FAM153A: variants seen among roughly 807,000 people sequenced by gnomAD.
FAM153A encodes the protein family with sequence similarity 153 member A.
Under a neutral mutation model 48.1 loss-of-function variants are expected in FAM153A, and 12 were observed. The ratio of observed to expected loss-of-function variants is 0.25; its 90% CI spans 0.16 to 0.40. The LOEUF (loss-of-function observed/expected upper bound fraction) is 0.40. Among genes scored for constraint, FAM153A ranks in the 10% least tolerant of loss-of-function variants. The pLI is 1.00. For missense variants in FAM153A, 111 were observed against 345.8 expected, an observed-to-expected ratio of 0.32 and a Z score of 5.38; for synonymous variants, 36 against 118.2, an observed-to-expected ratio of 0.30 and a Z score of 4.51.
chr5:177,699,208 T>C, the FAM153A span, among the ~76,000 whole-genome samples: 6 of 151,700 alleles, frequency 4.0e-5, no homozygotes, highest in African/African-American at 1.2e-4. Flanking sequence ...TAGAGCTAAA[T>C]TGATAGTTGT....
chr5:177,698,901 C>T, the FAM153A span, among the ~76,000 whole-genome samples: 5 of 151,834 alleles, frequency 3.3e-5, no homozygotes, highest in Admixed American at 3.3e-4. Context: ...CAAGTGATCT[C>T]CTGCCTCAGC....
chr5:177,697,940 G>T, the FAM153A span, among the ~76,000 whole-genome samples: 1 of 134,504 alleles, frequency 7.4e-6, no homozygotes, highest in Non-Finnish European at 1.7e-5. Context: ...CCAGCCTGTG[G>T]TTGTTGCTCC....
In FAM153A at chr5:177,715,079, C is replaced by T. The variant is rs563598495; in HGVS notation, c.*1223-1163G>A. Among the ~76,000 whole-genome samples, 6 of 139,710 alleles carry T rather than the reference C, an allele frequency of 4.3e-5. 1 individual carries two copies. The highest frequency in any genetic ancestry group is 4.2e-4 in the East Asian group (2 of 4,814). The allele number at this position is 139,710 out of a possible 152,430, so 91.7% of individuals were successfully genotyped here. On this transcript the variant is annotated intron_variant and NMD_transcript_variant, in intron 25 of 26. Coordinates refer to the FAM153A transcript ENST00000360669. ...TACTTGTAACACAGCTAAAGGATGT[C>T]AACAAAACTGTTCTTCCCAACCTCA...
At chr5:177,735,248 C>T (rs1250223711) in intron 12 of FAM153A, among the ~76,000 whole-genome samples, 1 of 148,426 alleles carries the variant, frequency 6.7e-6, no homozygotes, top group Non-Finnish European at 1.5e-5. Context: ...TCAGAATCCA[C>T]ATGTGCTGCT....
At chr5:177,740,670 A>G in intron 8 of FAM153A, 107 bp downstream of exon 10, 1 of 737,396 alleles carries the variant, frequency 1.4e-6, no homozygotes, top group Non-Finnish European at 2.0e-6. Flanking sequence ...GCAGCAAACC[A>G]CCATGACACA....
chr5:177,754,457 A>G (rs1767475966), upstream of FAM153A, among the ~76,000 whole-genome samples: 4 of 151,816 alleles, frequency 2.6e-5, no homozygotes, highest in Admixed American at 2.0e-4. Context: ...GCAGACTTAA[A>G]TGTCCCTGTC....
chr5:177,735,451 A>G (rs1322317850), intron 12 of FAM153A, among the ~76,000 whole-genome samples: 86 of 48,916 alleles, frequency 1.8e-3, no homozygotes, highest in Non-Finnish European at 2.7e-3. Context: ...TTGTTCTTCC[A>G]CTTTCCCTTT....
At chr5:177,714,210 G>A (rs1297649375) in intron 25 of FAM153A, 1 of 150,232 alleles carries the variant, frequency 6.7e-6, no homozygotes, top group Admixed American at 6.6e-5. Flanking sequence ...TTTATGAAAA[G>A]CAATATATTA....
chr5:177,760,150 C>T (rs1768174651), intron 1 of FAM153A, among the ~76,000 whole-genome samples: 1 of 148,192 alleles, frequency 6.7e-6, no homozygotes, highest in Non-Finnish European at 1.5e-5. Flanking sequence ...TATATATATA[C>T]ACATATATGA....
chr5:177,700,878 C>T, the FAM153A span, among the ~76,000 whole-genome samples: 8 of 151,806 alleles, frequency 5.3e-5, no homozygotes, highest in African/African-American at 1.9e-4. Context: ...TAGTAATGAA[C>T]ACTCAAAAAT....
downstream of FAM153A, among the ~76,000 whole-genome samples, chr5:177,710,765 C>T (rs574938243): frequency 2.1e-5 from 3 of 143,632 alleles, no homozygotes; most frequent in Non-Finnish European, 3.0e-5. Flanking sequence ...AAGCGATTCT[C>T]CTGCCTCAGC....
chr5:177,716,605 G>A (rs544889032), intron 24 of FAM153A, among the ~76,000 whole-genome samples: 1 of 151,772 alleles, frequency 6.6e-6, no homozygotes, highest in Non-Finnish European at 1.5e-5. Context: ...AGAAATTTGT[G>A]AGTATTCAAC....
chr5:177,718,990 C>T (rs1010619746), downstream of FAM153A, among the ~76,000 whole-genome samples: 2 of 151,514 alleles, frequency 1.3e-5, no homozygotes, highest in African/African-American at 2.4e-5. Flanking sequence ...AAGCCATCCT[C>T]CCACCTCAGC....
chr5:177,703,287 A>C (rs1757608713), downstream of FAM153A, among the ~76,000 whole-genome samples: 1 of 151,964 alleles, frequency 6.6e-6, no homozygotes, highest in South Asian at 2.1e-4. Flanking sequence ...TTAGGATTTA[A>C]TGACTGCCCT....
intron 1 of FAM153A, among the ~76,000 whole-genome samples, chr5:177,764,674 C>G (rs1380905806): frequency 6.6e-6 from 1 of 151,676 alleles, no homozygotes; most frequent in Non-Finnish European, 1.5e-5. Context: ...GGGCTCGCCC[C>G]CAATTAGAAC....
chr5:177,770,819 T>C (rs1207841252), intron 1 of FAM153A, among the ~76,000 whole-genome samples: 3 of 98,852 alleles, frequency 3.0e-5, no homozygotes, highest in Non-Finnish European at 6.3e-5. Context: ...ATACTAATCA[T>C]GGGGGAGGCC....
At chr5:177,708,924 C>G (rs560077807), downstream of FAM153A, among the ~76,000 whole-genome samples, 6 of 151,060 alleles carry the variant, frequency 4.0e-5, no homozygotes, top group Admixed American at 1.3e-4. Flanking sequence ...AAAACCCCGT[C>G]TCTACTAAAA....
the FAM153A span, among the ~76,000 whole-genome samples, chr5:177,695,124 A>G: frequency 7.8e-4 from 109 of 139,126 alleles, no homozygotes; most frequent in South Asian, 0.012. Context: ...GGGTTTTACC[A>G]CATTGGCCAG....
chr5:177,781,276 T>C (rs1769629606), upstream of FAM153A, among the ~76,000 whole-genome samples: 1 of 141,300 alleles, frequency 7.1e-6, no homozygotes, highest in Non-Finnish European at 1.5e-5. Flanking sequence ...TTTTTTTTTT[T>C]TTTTTTTTTT....
Sources: allele counts gnomAD v4.1 joint callset (sites outside exome capture counted in the v4.1 genomes callset), GRCh38; gene constraint gnomAD v4.1.1; transcripts MANE v1.5; gene names NCBI Gene and HGNC (gene_info 2026-07-23, HGNC 2026-07-21).